HHAT: variants seen among roughly 807,000 people sequenced by gnomAD.
HHAT encodes the protein hedgehog acyltransferase.
A neutral mutation model predicts 70.8 loss-of-function variants in HHAT; 47 were observed. The ratio of observed to expected loss-of-function variants is 0.66; its 90% CI spans 0.53 to 0.85. The LOEUF (loss-of-function observed/expected upper bound fraction) is 0.85. HHAT is among the 40% of genes least tolerant of loss of function. The probability of loss-of-function intolerance (pLI) is 0.00; values close to 1 mark genes in which losing one functional copy is unlikely to be tolerated. For synonymous variants in HHAT, 228 were observed against 247.6 expected (o/e 0.92, Z 0.74); for missense variants, 609 against 604.8 (o/e 1.01, Z -0.07).
intron 8 of HHAT, among the ~76,000 whole-genome samples, chr1:210,494,156 G>T (rs2094594648): frequency 6.6e-6 from 1 of 152,194 alleles, no homozygotes. Flanking sequence ...CATGTGCAGT[G>T]CTTTGTAGTC....
At chr1:210,669,183 G>A (rs1045475103) in intron 11 of HHAT, among the ~76,000 whole-genome samples, 1 of 152,150 alleles carries the variant, frequency 6.6e-6, no homozygotes, top group Admixed American at 6.5e-5. Context: ...GTGTGCTGAT[G>A]CTCTTTTCCG....
chr1:210,479,895 CCAG>C (rs2094365828), intron 8 of HHAT, among the ~76,000 whole-genome samples: 1 of 152,118 alleles, frequency 6.6e-6, no homozygotes, highest in African/African-American at 2.4e-5. Context: ...GCTTTGGAGT[CCAG>C]CAGACTCGGA....
intron 3 of HHAT, among the ~76,000 whole-genome samples, chr1:210,370,683 T>C (rs1179239508): frequency 6.8e-6 from 1 of 148,146 alleles, no homozygotes; most frequent in South Asian, 2.2e-4. Flanking sequence ...GACATGATCT[T>C]GGCTCACTGC....
intron 1 of HHAT, among the ~76,000 whole-genome samples, chr1:210,332,175 T>C (rs56393518): frequency 0.59 from 90,273 of 152,082 alleles, 28,120 homozygotes; most frequent in African/African-American, 0.78. Context: ...AAGTGACCTC[T>C]TTGGCCCGAG....
Position 210,365,309 on chromosome 1 carries a change from G to GTTTTTTTTT in HHAT, c.159+2407_159+2415dup, listed in dbSNP as rs4027290. On this transcript the variant is annotated intron_variant, in intron 3 of 11. Transcript: ENST00000261458. ...TTGGTAAACCTCAGTACTGCTGACA[G>GTTTTTTTTT]TTTTTTTTTTTTTTTTTTTTTTTTT... 1.0e-3 allele frequency among the ~76,000 whole-genome samples: 79 copies of GTTTTTTTTT among 78,404 alleles called. 8 individuals are homozygous for GTTTTTTTTT. The highest frequency in any genetic ancestry group is 1.6e-3 in the African/African-American group (31 of 19,146). 51.4% of individuals were successfully genotyped at this position (78,404 alleles called of 152,430 possible). A position where few individuals can be genotyped will look rare whatever the true frequency, so the allele number is the denominator to read the frequency against.
chr1:210,494,542 C>CTTTTTTTTTTTTTTTTTTTTTTTTTTTTT (rs71146226), intron 8 of HHAT, among the ~76,000 whole-genome samples: 2 of 82,850 alleles, frequency 2.4e-5, no homozygotes, highest in Admixed American at 1.7e-4. Context: ...TTTGAAATAG[C>CTTTTTTTTTTTTTTTTTTTTTTTTTTTTT]TTTTTTTTTT....
chr1:210,537,443 C>T (rs1291518691), intron 9 of HHAT, among the ~76,000 whole-genome samples: 2 of 152,194 alleles, frequency 1.3e-5, no homozygotes. Flanking sequence ...TAGACACCCC[C>T]CTTTCCACAC....
At chr1:210,416,355 A>G (rs1228213737) in intron 6 of HHAT, among the ~76,000 whole-genome samples, 1 of 152,220 alleles carries the variant, frequency 6.6e-6, no homozygotes, top group African/African-American at 2.4e-5. Flanking sequence ...ATGTGTGCAG[A>G]TGCAGCTTGA....
intron 11 of HHAT, chr1:210,631,121 G>C (rs926792045): frequency 1.8e-5 from 8 of 456,240 alleles, no homozygotes; most frequent in Non-Finnish European, 3.1e-5. Context: ...ATTTTTCCTG[G>C]AATATTTGTA....
chr1:210,658,282 C>G (rs917117018), intron 11 of HHAT, among the ~76,000 whole-genome samples: 3 of 152,178 alleles, frequency 2.0e-5, no homozygotes, highest in African/African-American at 7.2e-5. Context: ...CTCCCAGCAT[C>G]TACTCTTTCC....
At chr1:210,376,238 T>C (rs1217271098) in intron 3 of HHAT, among the ~76,000 whole-genome samples, 1 of 152,154 alleles carries the variant, frequency 6.6e-6, no homozygotes, top group Non-Finnish European at 1.5e-5. Flanking sequence ...GTATAATGCA[T>C]TAATGTAAAT....
At chr1:210,344,209 C>T (rs1423582986) in intron 1 of HHAT, among the ~76,000 whole-genome samples, 2 of 151,352 alleles carry the variant, frequency 1.3e-5, no homozygotes, top group African/African-American at 2.4e-5. Context: ...GGTGTTTTGC[C>T]GCTAGTTACT....
At chr1:210,505,090 G>A (rs748625829) in intron 8 of HHAT, among the ~76,000 whole-genome samples, 2 of 151,812 alleles carry the variant, frequency 1.3e-5, no homozygotes, top group Non-Finnish European at 2.9e-5. Context: ...GTAGAGACGG[G>A]GTTTCACCAT....
At chr1:210,342,281 C>G (rs2086107597) in intron 1 of HHAT, among the ~76,000 whole-genome samples, 1 of 152,158 alleles carries the variant, frequency 6.6e-6, no homozygotes, top group Non-Finnish European at 1.5e-5. Flanking sequence ...CCTGAGGTTT[C>G]TGCAGGAAAT....
In HHAT at chr1:210,510,379, G is replaced by A. The variant is rs78664550; in HGVS notation, c.1008-2774G>A. ...GAACCTTATTTTTTAAAAACTGATA[G>A]CCATCCAGACACAAAAGCACAAATA... On this transcript the variant is annotated intron_variant, in intron 8 of 11. Coordinates refer to ENST00000261458, the MANE Select transcript of HHAT (RefSeq NM_018194.6). Among the ~76,000 whole-genome samples, 3,672 of 152,266 alleles carry A rather than the reference G, an allele frequency of 0.024. 393 individuals are homozygous for A. The East Asian group carries it at 0.32, about 13-fold the overall frequency.
intron 10 of HHAT, among the ~76,000 whole-genome samples, chr1:210,592,878 T>C: frequency 1.7e-5 from 1 of 59,656 alleles, no homozygotes; most frequent in African/African-American, 3.6e-5. Context: ...AACCAACTTT[T>C]CTTTTTTTTT....
chr1:210,637,144 G>GA (rs1672016316), intron 11 of HHAT, among the ~76,000 whole-genome samples: 1 of 152,082 alleles, frequency 6.6e-6, no homozygotes, highest in Non-Finnish European at 1.5e-5. Flanking sequence ...TATTGGTACT[G>GA]GTATTATATT....
chr1:210,580,226 A>G (rs1465843475), intron 9 of HHAT, among the ~76,000 whole-genome samples: 2 of 152,150 alleles, frequency 1.3e-5, no homozygotes, highest in African/African-American at 4.8e-5. Context: ...TCTTAGCCTT[A>G]TGGAGGATGA....
At chr1:210,462,435 C>G (rs2148431646) in intron 7 of HHAT, 1 of 152,344 alleles carries the variant, frequency 6.6e-6, no homozygotes, top group East Asian at 1.9e-4. Flanking sequence ...TCATTGCCAT[C>G]TCAGCCAGTG....
Sources: allele counts gnomAD v4.1 joint callset (sites outside exome capture counted in the v4.1 genomes callset), GRCh38; gene constraint gnomAD v4.1.1; transcripts MANE v1.5; gene names NCBI Gene and HGNC (gene_info 2026-07-23, HGNC 2026-07-21).